Variants in KCNQ1 observed in about 807,000 individuals in gnomAD.
KCNQ1 encodes the protein potassium voltage-gated channel subfamily Q member 1, also known as potassium voltage-gated channel subfamily KQT member 1.
KCNQ1 carries 49 observed loss-of-function variants against 72.4 expected under a neutral mutation model. The observed-to-expected ratio is 0.68, with a 90% CI of 0.54 to 0.86. The LOEUF (loss-of-function observed/expected upper bound fraction) is 0.86, where lower values mean the gene tolerates loss of function less well. KCNQ1 is among the 40% of genes least tolerant of loss of function. The probability of loss-of-function intolerance (pLI) is 0.00; values close to 1 mark genes in which losing one functional copy is unlikely to be tolerated. For synonymous variants in KCNQ1, 450 were observed against 412.6 expected, an observed-to-expected ratio of 1.09 and a Z score of -1.10; for missense variants, 790 against 945.1, an observed-to-expected ratio of 0.84 and a Z score of 2.15.
In KCNQ1 at chr11:2,468,737, T is replaced by TTG. The variant is rs954589579; in HGVS notation, c.386+23261_386+23262dup. Among the ~76,000 whole-genome samples the TTG allele has an allele frequency of 2.0e-5, 3 of 152,216 alleles. No homozygotes were observed. The highest frequency in any genetic ancestry group is 2.0e-4 in the Admixed American group (3 of 15,284). ...GTCATGATTTTGAGCTGTGTGTCTGTTGTGTGTGTCGGCCTGTTGTTTGGG... is the reference window on the plus strand; with the variant it reads ...GTCATGATTTTGAGCTGTGTGTCTGTTGTGTGTGTGTCGGCCTGTTGTTTGGG... On this transcript the variant is annotated intron_variant, in intron 1 of 15. Transcript: ENST00000155840. This position sits in a 1 kb window ranked among gnomAD's most constrained non-coding sequence, Gnocchi z 5.7.
intron 11 of KCNQ1, 192 bp downstream of exon 11, chr11:2,662,273 A>G: frequency 1.6e-6 from 1 of 639,830 alleles, no homozygotes. Context: ...CTTCCCACTG[A>G]GCCTGGGAAC....
rs199473446 is a variant in KCNQ1, at chr11:2,445,295, C to A, written c.197C>A (p.Ser66Tyr). Residue 66 changes from serine (S) to tyrosine (Y), a missense_variant, in exon 1 of 16, where the codon TCC (serine) becomes TAC (tyrosine). Transcript: ENST00000155840. ...GCCCCAGGTCCCGCGCCCCCTGCGT[C>A]CCCGGCCGCGCCCGCCGCGCCCCCA... ...PGAPGPAPPA[S>Y]PAAPAAPPVA... 1.2e-5 allele frequency: 17 copies of A among 1,400,894 alleles called. No individual in the cohort carries two copies. In the Admixed American group the frequency reaches 2.8e-4, roughly 23 times the overall value. The allele number at this position is 1,400,894 out of a possible 1,614,324, so 86.8% of individuals were successfully genotyped here.
rs751842823 is a variant in KCNQ1 at position 2,808,592 on chromosome 11, A to G, written c.1794+30555A>G. On this transcript the variant is annotated intron_variant, in intron 15 of 15. Transcript: ENST00000155840. The surrounding 1 kb of genome is among the most constrained non-coding windows in gnomAD (Gnocchi z 6.0). ...TGGGAGTCCTCAGGTAGGTTGGTTGATTGAGTGATTGATTGATTGATAATC... is the reference window on the plus strand; with the variant it reads ...TGGGAGTCCTCAGGTAGGTTGGTTGGTTGAGTGATTGATTGATTGATAATC... Among the ~76,000 whole-genome samples, 4 of 152,158 alleles carry G rather than the reference A, an allele frequency of 2.6e-5. No individual in the cohort carries two copies. The highest frequency in any genetic ancestry group is 4.8e-5 in the African/African-American group (2 of 41,426).
chr11:2,609,753 C>T, intron 10 of KCNQ1: 2 of 398,210 alleles, frequency 5.0e-6, no homozygotes, highest in Non-Finnish European at 4.4e-6. Context: ...CATGAATTGA[C>T]ATTTTATCAT....
In KCNQ1 at chr11:2,687,497, C is replaced by G. The variant is rs1351499464; in HGVS notation, c.1514+25416C>G. On this transcript the variant is annotated intron_variant, in intron 11 of 15. Coordinates refer to ENST00000155840, the MANE Select transcript of KCNQ1 (RefSeq NM_000218.3). The surrounding 1 kb of genome is among the most constrained non-coding windows in gnomAD (Gnocchi z 5.0). Reference sequence around the variant, plus strand: ...TTTCAATAGGGCCATCCCAGGCACCCTAGGACTTGAGACCAGCCTCCTCTG... The same window carrying G: ...TTTCAATAGGGCCATCCCAGGCACCGTAGGACTTGAGACCAGCCTCCTCTG... 2.5e-6 allele frequency: 1 copy of G among 398,754 alleles called. No individual in the cohort carries two copies. The highest frequency in any genetic ancestry group is 4.4e-5 in the Admixed American group (1 of 22,746). The allele number at this position is 398,754 out of a possible 1,614,324, so 24.7% of individuals were successfully genotyped here. A position where few individuals can be genotyped will look rare whatever the true frequency, so the allele number is the denominator to read the frequency against.
At chr11:2,697,936 G>C (rs1165754199) in intron 11 of KCNQ1, 1 of 398,488 alleles carries the variant, frequency 2.5e-6, no homozygotes. Context: ...CAGCATGTTA[G>C]GAAACACATT....
At chr11:2,708,114 C>A (rs1327948339) in intron 11 of KCNQ1, among the ~76,000 whole-genome samples, 2 of 152,244 alleles carry the variant, frequency 1.3e-5, no homozygotes, top group African/African-American at 4.8e-5. Context: ...AGACCACGCT[C>A]ATGAATTGTT....
In KCNQ1 at chr11:2,671,383, C is replaced by G; in HGVS notation, c.1514+9302C>G. Reference sequence around the variant, plus strand: ...TATCCTGAAAAAGGTACAGGAACACCTGGCATGCCTCTCCCAGGGTACTCT... The same window carrying G: ...TATCCTGAAAAAGGTACAGGAACACGTGGCATGCCTCTCCCAGGGTACTCT... On this transcript the variant is annotated intron_variant, in intron 11 of 15. Transcript: ENST00000155840. This position sits in a 1 kb window ranked among gnomAD's most constrained non-coding sequence, Gnocchi z 4.7. 1 of 398,592 alleles carries G rather than the reference C, an allele frequency of 2.5e-6. No homozygotes were observed. Among genetic ancestry groups the G allele is most frequent in the Non-Finnish European group, 4.4e-6 (1 of 226,058 alleles). The allele number at this position is 398,592 out of a possible 1,614,324, so 24.7% of individuals were successfully genotyped here.
chr11:2,533,944 G>A (rs925499115), intron 2 of KCNQ1, among the ~76,000 whole-genome samples: 1 of 152,204 alleles, frequency 6.6e-6, no homozygotes. Context: ...CGTGAGCTGC[G>A]GCCCCGGAGG....
At position 2,750,300 on chromosome 11, in the gene KCNQ1, G is replaced by A. The variant is rs1393211792; in HGVS notation, c.1515-18544G>A. On this transcript the variant is annotated intron_variant, in intron 11 of 15. Coordinates refer to ENST00000155840, the MANE Select transcript of KCNQ1 (RefSeq NM_000218.3). The surrounding 1 kb of genome is among the most constrained non-coding windows in gnomAD (Gnocchi z 6.3). ...CCCAGGGCGGAGGACATGGGAGACG[G>A]GGGTATAGCTGTTGGGCTTGTGGCT... Among the ~76,000 whole-genome samples, 2 of 152,214 alleles carry A rather than the reference G, an allele frequency of 1.3e-5. No homozygotes were observed. Among genetic ancestry groups the A allele is most frequent in the Admixed American group, 6.5e-5 (1 of 15,286 alleles).
At chr11:2,572,807 C>G in intron 5 of KCNQ1, 39 bp from the exon 6 acceptor site, 1 of 1,612,652 alleles carries the variant, frequency 6.2e-7, no homozygotes, top group South Asian at 1.1e-5. Context: ...TCCCAGCCTG[C>G]GGTTCCTGGA....
Position 2,484,784 on chromosome 11 carries a change from C to G in KCNQ1, c.386+39300C>G, listed in dbSNP as rs113810543. Among the ~76,000 whole-genome samples the G allele has an allele frequency of 1.3e-5, 2 of 152,308 alleles. No homozygotes were observed. The highest frequency in any genetic ancestry group is 4.8e-5 in the African/African-American group (2 of 41,562). On this transcript the variant is annotated intron_variant, in intron 1 of 15. Transcript: ENST00000155840. This position sits in a 1 kb window ranked among gnomAD's most constrained non-coding sequence, Gnocchi z 5.2. ...AGCTGGGGAATATGTGTATGGCACC[C>G]CCACGTCTACGCTTCTGTGTTCATC...
In KCNQ1 at chr11:2,782,410, T is replaced by G. The variant is rs1440482565; in HGVS notation, c.1794+4373T>G. On this transcript the variant is annotated intron_variant, in intron 15 of 15. Coordinates refer to ENST00000155840, the MANE Select transcript of KCNQ1 (RefSeq NM_000218.3). This position sits in a 1 kb window ranked among gnomAD's most constrained non-coding sequence, Gnocchi z 6.1. ...AGATACATACATGACATAATTTTCCTGTCTTGTATGGTCTTCATCAGGCTT... is the reference window on the plus strand; with the variant it reads ...AGATACATACATGACATAATTTTCCGGTCTTGTATGGTCTTCATCAGGCTT... Among the ~76,000 whole-genome samples, 2 of 152,270 alleles carry G rather than the reference T, an allele frequency of 1.3e-5. No homozygotes were observed. Among genetic ancestry groups the G allele is most frequent in the Non-Finnish European group, 2.9e-5 (2 of 68,048 alleles).
At chr11:2,689,529 C>T (rs1327996494) in intron 11 of KCNQ1, 2 of 398,656 alleles carry the variant, frequency 5.0e-6, no homozygotes, top group Non-Finnish European at 8.8e-6. Context: ...CCTGTCCCAG[C>T]ATGAAGCTTG....
chr11:2,728,271 G>A (rs935322146), intron 11 of KCNQ1, among the ~76,000 whole-genome samples: 2 of 152,178 alleles, frequency 1.3e-5, no homozygotes, highest in Admixed American at 6.5e-5. Flanking sequence ...CTGGCACCTC[G>A]TAGGGTAAGT....
intron 10 of KCNQ1, chr11:2,630,261 C>A (rs1849331591): frequency 5.0e-6 from 2 of 397,912 alleles, no homozygotes; most frequent in Non-Finnish European, 8.9e-6. Context: ...AAGGATAAAT[C>A]CCATGTTTGT....
intron 6 of KCNQ1, among the ~76,000 whole-genome samples, chr11:2,582,062 G>A (rs1168389307): frequency 4.6e-5 from 7 of 152,220 alleles, no homozygotes; most frequent in African/African-American, 9.6e-5. Context: ...GGCCTGTCCC[G>A]CCCTGTGGCC....
intron 14 of KCNQ1, 30 bp downstream of exon 14, chr11:2,777,062 C>G (rs886821089): frequency 6.2e-7 from 1 of 1,611,428 alleles, no homozygotes; most frequent in Non-Finnish European, 8.5e-7. Flanking sequence ...ACTCTGGGCC[C>G]AGCAGCCTGC....
chr11:2,804,138 A>G (rs1290564721), intron 15 of KCNQ1, among the ~76,000 whole-genome samples: 1 of 152,104 alleles, frequency 6.6e-6, no homozygotes, highest in Non-Finnish European at 1.5e-5. Flanking sequence ...AGCCCATTAG[A>G]AGATACAGAG....
Sources: allele counts gnomAD v4.1 joint callset (sites outside exome capture counted in the v4.1 genomes callset), GRCh38; gene constraint gnomAD v4.1.1; non-coding constraint Gnocchi (gnomAD v3.1); transcripts MANE v1.5; gene names NCBI Gene and HGNC (gene_info 2026-07-23, HGNC 2026-07-21).